Variants in ACYP2 observed in about 807,000 individuals in gnomAD.
ACYP2 encodes acylphosphatase 2.
Under a neutral mutation model 11.2 loss-of-function variants are expected in ACYP2, and 12 were observed. That is an observed-to-expected ratio of 1.08 (90% CI 0.69 to 1.74). The LOEUF (loss-of-function observed/expected upper bound fraction) is 1.74, where lower values mean the gene tolerates loss of function less well. Among genes scored for constraint, ACYP2 ranks in the 40% most tolerant of loss-of-function variants. ACYP2 has a pLI of 0.00. For synonymous variants in ACYP2, 43 were observed against 32.2 expected (o/e 1.33, Z -1.13); for missense variants, 134 against 101.9 (o/e 1.31, Z -1.35).
intron 4 of ACYP2, among the ~76,000 whole-genome samples, chr2:54,073,052 G>C (rs2103651511): frequency 6.6e-6 from 1 of 152,310 alleles, no homozygotes; most frequent in Non-Finnish European, 1.5e-5. Context: ...ATGATCAGTA[G>C]ACTAGAATTG....
At chr2:54,190,079 T>C (rs1332939520) in intron 6 of ACYP2, among the ~76,000 whole-genome samples, 1 of 152,240 alleles carries the variant, frequency 6.6e-6, no homozygotes. Flanking sequence ...TATTGAGTTG[T>C]ATGAGTTCTT....
At chr2:54,166,379 G>A (rs985113273) in intron 6 of ACYP2, among the ~76,000 whole-genome samples, 2 of 152,344 alleles carry the variant, frequency 1.3e-5, no homozygotes, top group Non-Finnish European at 1.5e-5. Flanking sequence ...CTTGAGGAAA[G>A]ATGGATGGGT....
intron 4 of ACYP2, among the ~76,000 whole-genome samples, chr2:54,073,346 G>C (rs572755133): frequency 6.6e-6 from 1 of 151,696 alleles, no homozygotes; most frequent in East Asian, 1.9e-4. Flanking sequence ...GGGCAATGTA[G>C]GGAGACCATA....
At chr2:54,060,375 T>C (rs906574613) in intron 4 of ACYP2, among the ~76,000 whole-genome samples, 2 of 151,940 alleles carry the variant, frequency 1.3e-5, no homozygotes, top group Admixed American at 6.5e-5. Context: ...TATAAACTTA[T>C]TCTTGTTCTG....
chr2:54,250,018 G>A (rs1687143373), intron 6 of ACYP2, among the ~76,000 whole-genome samples: 1 of 150,560 alleles, frequency 6.6e-6, no homozygotes, highest in South Asian at 2.1e-4. Context: ...GTTAACATCT[G>A]GTTTATGGCA....
chr2:54,262,210 C>A (rs1187922088), intron 6 of ACYP2, among the ~76,000 whole-genome samples: 2 of 152,146 alleles, frequency 1.3e-5, no homozygotes, highest in African/African-American at 2.4e-5. Flanking sequence ...TGTGTCCTGG[C>A]TAGTGTCAAG....
At chr2:54,277,418 A>G (rs1688645561) in intron 6 of ACYP2, among the ~76,000 whole-genome samples, 1 of 152,192 alleles carries the variant, frequency 6.6e-6, no homozygotes, top group African/African-American at 2.4e-5. Context: ...AGTGACTCAC[A>G]TCTGCAATCC....
intron 6 of ACYP2, among the ~76,000 whole-genome samples, chr2:54,201,174 C>T (rs1252356600): frequency 6.6e-6 from 1 of 151,448 alleles, no homozygotes; most frequent in Non-Finnish European, 1.5e-5. Flanking sequence ...GGCGCAATCT[C>T]GGCTCACTGC....
At chr2:54,214,248 G>A (rs1370425366) in intron 6 of ACYP2, among the ~76,000 whole-genome samples, 3 of 152,150 alleles carry the variant, frequency 2.0e-5, no homozygotes, top group Non-Finnish European at 2.9e-5. Flanking sequence ...AATTTAATTA[G>A]GTCCTACTTG....
intron 6 of ACYP2, among the ~76,000 whole-genome samples, chr2:54,168,972 G>A (rs189811615): frequency 2.6e-4 from 40 of 152,244 alleles, no homozygotes; most frequent in African/African-American, 8.7e-4. Context: ...TATTTTTGGC[G>A]TCATTTTCCT....
intron 2 of ACYP2, among the ~76,000 whole-genome samples, chr2:54,010,442 C>G (rs1673295615): frequency 6.6e-6 from 1 of 151,650 alleles, no homozygotes; most frequent in Non-Finnish European, 1.5e-5. Flanking sequence ...TGAGTTTGTG[C>G]CATTGCACTC....
At chr2:53,999,738 C>T (rs1350568759) in intron 2 of ACYP2, among the ~76,000 whole-genome samples, 1 of 152,164 alleles carries the variant, frequency 6.6e-6, no homozygotes, top group Non-Finnish European at 1.5e-5. Context: ...TCCAATCTCA[C>T]ATTTCAGAGA....
intron 4 of ACYP2, among the ~76,000 whole-genome samples, chr2:54,120,692 A>G (rs1680095213): frequency 1.3e-5 from 2 of 152,178 alleles, no homozygotes; most frequent in Admixed American, 1.3e-4. Context: ...GACTGCGCTC[A>G]GGCTGTGCTA....
At chr2:54,122,085 A>T (rs1220623906) in intron 4 of ACYP2, among the ~76,000 whole-genome samples, 1 of 152,256 alleles carries the variant, frequency 6.6e-6, no homozygotes, top group African/African-American at 2.4e-5. Context: ...TGTAACAATT[A>T]AAGATATTTA....
At chr2:54,012,063 G>T (rs1024120654) in intron 2 of ACYP2, among the ~76,000 whole-genome samples, 1 of 151,830 alleles carries the variant, frequency 6.6e-6, no homozygotes, top group African/African-American at 2.4e-5. Flanking sequence ...TGGTGAAACC[G>T]CATCTCTACT....
At chr2:54,279,181 G>A (rs1027099814) in intron 6 of ACYP2, among the ~76,000 whole-genome samples, 21 of 152,326 alleles carry the variant, frequency 1.4e-4, no homozygotes, top group South Asian at 4.1e-4. Flanking sequence ...GAAAGTCATC[G>A]TGGAGATCGT....
At chr2:54,277,279 T>C (rs1004055489) in intron 6 of ACYP2, among the ~76,000 whole-genome samples, 6 of 152,230 alleles carry the variant, frequency 3.9e-5, no homozygotes, top group Admixed American at 3.9e-4. Context: ...CTCCTTCCTT[T>C]TCCCTCCTAG....
At position 54,068,765 on chromosome 2, in the gene ACYP2, T is replaced by TA. The variant is rs1466520017; in HGVS notation, c.277+11406dup. On this transcript the variant is annotated intron_variant, in intron 4 of 6. Coordinates refer to ENST00000607452, the MANE Select transcript of ACYP2 (RefSeq NM_001320586.2). ...TTAGTTGTGAATGAGAATATAATCT[T>TA]ACACAGGCTGTTTGAGAAGGAGGCT... 2.6e-5 allele frequency among the ~76,000 whole-genome samples: 4 copies of TA among 152,080 alleles called. No individual in the cohort carries two copies. The East Asian group carries it at 7.7e-4, about 29-fold the overall frequency.
chr2:54,231,650 A>G (rs1686241479), intron 6 of ACYP2, among the ~76,000 whole-genome samples: 1 of 152,244 alleles, frequency 6.6e-6, no homozygotes, highest in African/African-American at 2.4e-5. Flanking sequence ...AAAAACAAAT[A>G]TATATGAAGT....
Sources: gnomAD v4.1 joint callset for allele counts (sites outside exome capture counted in the v4.1 genomes callset) on GRCh38, gnomAD v4.1.1 for gene constraint, MANE v1.5 for transcripts, NCBI Gene and HGNC (gene_info 2026-07-23, HGNC 2026-07-21) for gene names.